ADGRG4: variants seen among roughly 807,000 people sequenced by gnomAD.
ADGRG4 encodes the protein G protein-coupled receptor 112.
ADGRG4 carries 122 observed loss-of-function variants against 126.2 expected under a neutral mutation model. That is an observed-to-expected ratio of 0.97 (90% CI 0.83 to 1.12). ADGRG4 has a LOEUF of 1.12. Among genes scored for constraint, ADGRG4 ranks in the 50% most tolerant of loss-of-function variants. The pLI, the probability that ADGRG4 is intolerant of heterozygous loss-of-function variation, is 0.00. For missense variants in ADGRG4, 2,481 were observed against 2,251.8 expected (o/e 1.10, Z -2.06); for synonymous variants, 943 against 838.7 (o/e 1.12, Z -2.15).
chrX:136,390,883 C>T (rs2075316066), intron 16 of ADGRG4, among the ~76,000 whole-genome samples: 2 of 110,683 alleles, frequency 1.8e-5, no homozygotes, highest in South Asian at 7.8e-4. Context: ...GCCATCTTTC[C>T]TAGTGTCACC....
intron 4 of ADGRG4, among the ~76,000 whole-genome samples, chrX:136,313,848 A>G (rs1057201952): frequency 5.4e-5 from 6 of 111,436 alleles, no homozygotes; most frequent in Non-Finnish European, 1.1e-4. Context: ...GGTAGGGCTT[A>G]TGGGAGCTGT....
Position 136,399,840 on chromosome X carries a change from T to C in ADGRG4, c.8307-8T>C. ...CTTTACCTAACAACATTGTACTTTC[T>C]CTTTTAGCAAACTTCGAAAAGATTA... On this transcript the variant is annotated splice_polypyrimidine_tract_variant and splice_region_variant and intron_variant, in intron 20 of 25. Coordinates refer to ENST00000394143, the MANE Select transcript of ADGRG4 (RefSeq NM_153834.4). 1 of 1,197,848 alleles carries C rather than the reference T, an allele frequency of 8.3e-7. No individual in the cohort carries two copies. The highest frequency in any genetic ancestry group is 1.1e-6 in the Non-Finnish European group (1 of 886,393).
At position 136,366,068 on chromosome X, in the gene ADGRG4, C is replaced by A. The variant is rs191457489; in HGVS notation, c.7396+2473C>A. ...CCAATAGTTCATAGTTTTACATTAG[C>A]GTTCACTCTTGCTATTGTACATTCT... On this transcript the variant is annotated intron_variant, in intron 13 of 25. Transcript: ENST00000394143. 6.3e-5 allele frequency among the ~76,000 whole-genome samples: 7 copies of A among 111,936 alleles called. No individual in the cohort carries two copies. The East Asian group carries it at 2.0e-3, about 31-fold the overall frequency.
intron 21 of ADGRG4, among the ~76,000 whole-genome samples, chrX:136,402,979 A>G (rs1047205429): frequency 8.9e-6 from 1 of 112,042 alleles, no homozygotes; most frequent in African/African-American, 3.3e-5. Context: ...TGCCAAGTTG[A>G]TTTTCTGGCA....
chrX:136,359,349 G>A lies in ADGRG4; in HGVS notation c.7038G>A (p.Met2346Ile). The A allele has an allele frequency of 8.3e-7, 1 of 1,206,284 alleles. No homozygotes were observed. The change falls in exon 11 of 26, where the codon ATG becomes ATA. Residue 2346 changes from methionine (M) to isoleucine (I), a missense_variant. Met to Ile is a conservative substitution (Grantham distance 10). Coordinates refer to ENST00000394143, the MANE Select transcript of ADGRG4 (RefSeq NM_153834.4). ...CTTCCTTAGCATCCTCTGAATTGAT[G>A]AGAAAAATCAAAAGTAAAATACATG... The part of the protein sequence containing the change: ...ASSSLASSEL[M>I]RKIKSKIHGN...
In ADGRG4 at chrX:136,371,594, T is replaced by G. The variant is rs1010233359; in HGVS notation, c.7613+50T>G. 6 of 712,603 alleles carry G rather than the reference T, an allele frequency of 8.4e-6. No homozygotes were observed. The African/African-American group carries it at 1.3e-4, about 16-fold the overall frequency. The allele number at this position is 712,603 out of a possible 1,213,427, so 58.7% of individuals were successfully genotyped here. A position where few individuals can be genotyped will look rare whatever the true frequency, so the allele number is the denominator to read the frequency against. The stretch of plus-strand genomic sequence containing the variant: ...GACATTATTTTTAAAAAATTTAAAA[T>G]GCAGACGGCCCTCTGTATCTGTGCA... On this transcript the variant is annotated intron_variant, in intron 14 of 25. Coordinates refer to ENST00000394143, the MANE Select transcript of ADGRG4 (RefSeq NM_153834.4).
At chrX:136,351,593 T>C in intron 7 of ADGRG4, 52 bp downstream of exon 7, 2 of 518,205 alleles carry the variant, frequency 3.9e-6, no homozygotes, top group Non-Finnish European at 6.1e-6. Flanking sequence ...TGTGAATATA[T>C]ACATTTATAT....
chrX:136,312,151 T>A (rs1450864949), intron 4 of ADGRG4, among the ~76,000 whole-genome samples: 1 of 112,537 alleles, frequency 8.9e-6, no homozygotes, highest in Non-Finnish European at 1.9e-5. Flanking sequence ...AAAATTAAGT[T>A]AAAAATTCAG....
intron 15 of ADGRG4, among the ~76,000 whole-genome samples, chrX:136,381,953 A>AC (rs2075266261): frequency 9.0e-6 from 1 of 111,441 alleles, no homozygotes; most frequent in African/African-American, 3.3e-5. Context: ...CTGATTAGAT[A>AC]GATGGTGTCC....
Position 136,383,881 on chromosome X carries a change from C to CTTCCT in ADGRG4, c.7777-3835_7777-3831dup, listed in dbSNP as rs199828604. On this transcript the variant is annotated intron_variant, in intron 15 of 25. Transcript: ENST00000394143. ...TTCTTTCTTTCTTTCTTTCTTCTTTCTTCCTTTCCTTTCCTTTCCTTTCCT... is the reference window on the plus strand; with the variant it reads ...TTCTTTCTTTCTTTCTTTCTTCTTTCTTCCTTTCCTTTCCTTTCCTTTCCTTTCCT... Among the ~76,000 whole-genome samples the CTTCCT allele has an allele frequency of 1.2e-3, 63 of 52,477 alleles. 1 individual carries two copies. The highest frequency in any genetic ancestry group is 2.1e-3 in the Non-Finnish European group (57 of 26,635). The allele number at this position is 52,477 out of a possible 115,157, so 45.6% of individuals were successfully genotyped here. A position where few individuals can be genotyped will look rare whatever the true frequency, so the allele number is the denominator to read the frequency against.
chrX:136,344,088 A>C (rs148853812), intron 5 of ADGRG4, among the ~76,000 whole-genome samples: 1 of 111,824 alleles, frequency 8.9e-6, no homozygotes, highest in Admixed American at 9.5e-5. Context: ...TCCTTTCCCA[A>C]AGCTAATCTT....
At position 136,363,533 on chromosome X, in the gene ADGRG4, G is replaced by A; in HGVS notation, c.7334G>A (p.Cys2445Tyr). The change falls in exon 13 of 26, where the codon TGC becomes TAC. Residue 2445 changes from cysteine to tyrosine, a missense_variant. Cys to Tyr is a radical substitution (Grantham distance 194, BLOSUM62 -2). Coordinates refer to ENST00000394143, the MANE Select transcript of ADGRG4 (RefSeq NM_153834.4). ...TGGGAAAAGCCAAAGTTTAAACAAT[G>A]CAAATTGCTTCAAGAACTTCCTGAC... Reference protein sequence around the residue: ...SQWEKPKFKQCKLLQELPDKI... With the variant: ...SQWEKPKFKQYKLLQELPDKI... The A allele has an allele frequency of 2.5e-6, 3 of 1,203,489 alleles. No individual in the cohort carries two copies. The South Asian group carries it at 5.3e-5, about 21-fold the overall frequency.
chrX:136,364,069 C>T (rs996617102), intron 13 of ADGRG4, among the ~76,000 whole-genome samples: 1 of 111,112 alleles, frequency 9.0e-6, no homozygotes, highest in African/African-American at 3.3e-5. Context: ...CCTCAGCCTC[C>T]CAAAGTACTG....
intron 13 of ADGRG4, among the ~76,000 whole-genome samples, chrX:136,365,395 T>C (rs2075152785): frequency 8.9e-6 from 1 of 112,177 alleles, no homozygotes; most frequent in Non-Finnish European, 1.9e-5. Flanking sequence ...TTGTAGCATG[T>C]ATCATTGCTT....
Position 136,390,963 on chromosome X carries a change from G to T in ADGRG4, c.7912-1269G>T, listed in dbSNP as rs1304889760. Among the ~76,000 whole-genome samples the T allele has an allele frequency of 6.3e-5, 7 of 110,605 alleles. No homozygotes were observed. In the East Asian group the frequency reaches 1.7e-3, roughly 27 times the overall value. On this transcript the variant is annotated intron_variant, in intron 16 of 25. Transcript: ENST00000394143. ...CTAGGGTTAGCCCTTAGCCTTTTGA[G>T]TGTCAGCAGGGCCCTTCCCATTATA...
In ADGRG4 at chrX:136,350,021, T is replaced by C. The variant is rs1437249377; in HGVS notation, c.6315T>C (p.Pro2105=). 1.2e-5 allele frequency: 14 copies of C among 1,210,830 alleles called. No individual in the cohort carries two copies. The highest frequency in any genetic ancestry group is 1.6e-5 in the Non-Finnish European group (14 of 894,800). The change falls in exon 6 of 26, where the codon CCT becomes CCC. Residue 2105 remains proline (P), a synonymous_variant. Transcript: ENST00000394143. Reference sequence around the variant, plus strand: ...ACATTGTGTACATTTCCACACACCCTGAGGCATCCTCCAGAACCACAATAA... The same window carrying C: ...ACATTGTGTACATTTCCACACACCCCGAGGCATCCTCCAGAACCACAATAA... The part of the protein sequence containing the change: ...TDDIVYISTH[P]EASSRTTITA...
chrX:136,396,940 C>G (rs1180495337), intron 19 of ADGRG4, among the ~76,000 whole-genome samples: 4 of 110,125 alleles, frequency 3.6e-5, no homozygotes, highest in East Asian at 2.9e-4. Context: ...AGGTGCCCAC[C>G]ACCACACCCA....
chrX:136,317,873 A>G (rs1462905056), intron 4 of ADGRG4, among the ~76,000 whole-genome samples: 9 of 112,235 alleles, frequency 8.0e-5, no homozygotes, highest in East Asian at 2.8e-4. Context: ...TGACAATAAT[A>G]ATAGTAAATG....
At position 136,323,051 on chromosome X, in the gene ADGRG4, C is replaced by T. The variant is rs748048833; in HGVS notation, c.344C>T (p.Ala115Val). Residue 115 changes from alanine (A) to valine (V), a missense_variant, in exon 5 of 26, where the codon GCT (alanine) becomes GTT (valine). Transcript: ENST00000394143. ...GKTFSIRHHL[A>V]SFQWHTICLI... ...ACCTTTTCTATCCGTCACCACCTGG[C>T]TTCATTTCAATGGCATACAATATGC... 13 of 1,211,351 alleles carry T rather than the reference C, an allele frequency of 1.1e-5. No homozygotes were observed. In the East Asian group the frequency reaches 3.8e-4, roughly 36 times the overall value.
Sources: gnomAD v4.1 joint callset for allele counts (sites outside exome capture counted in the v4.1 genomes callset) on GRCh38, gnomAD v4.1.1 for gene constraint, MANE v1.5 for transcripts, NCBI Gene and HGNC (gene_info 2026-07-23, HGNC 2026-07-21) for gene names.